Variants in PRR16 observed in about 807,000 individuals in gnomAD.
PRR16 encodes the protein protein Largen.
Under a neutral mutation model 18.2 loss-of-function variants are expected in PRR16, and 6 were observed. The ratio of observed to expected loss-of-function variants is 0.33; its 90% confidence interval spans 0.18 to 0.65. The LOEUF is 0.65. Among genes scored for constraint, PRR16 ranks in the 30% least tolerant of loss-of-function variants. The pLI, the probability that PRR16 is intolerant of heterozygous loss-of-function variation, is 0.74. For missense variants in PRR16, 412 were observed against 376.6 expected (o/e 1.09, Z -0.78); for synonymous variants, 151 against 147.8 (o/e 1.02, Z -0.16).
intron 1 of PRR16, among the ~76,000 whole-genome samples, chr5:120,490,620 G>A (rs978537267): frequency 7.2e-5 from 11 of 152,246 alleles, no homozygotes; most frequent in African/African-American, 2.6e-4. Context: ...GCTCGGAGTA[G>A]TTTGATTGTC....
At chr5:120,602,774 A>G (rs553389231) in intron 1 of PRR16, among the ~76,000 whole-genome samples, 1 of 152,048 alleles carries the variant, frequency 6.6e-6, no homozygotes, top group East Asian at 1.9e-4. Context: ...TTAAACATGC[A>G]TGGGTGTCAA....
chr5:120,664,460 T>TG (rs1378143376), intron 1 of PRR16, among the ~76,000 whole-genome samples: 1 of 150,948 alleles, frequency 6.6e-6, no homozygotes, highest in African/African-American at 2.4e-5. Flanking sequence ...GTTTTTGTTT[T>TG]TTTTTTATTA....
intron 1 of PRR16, among the ~76,000 whole-genome samples, chr5:120,642,327 A>G (rs1395355947): frequency 3.3e-5 from 5 of 151,882 alleles, no homozygotes; most frequent in Non-Finnish European, 7.4e-5. Flanking sequence ...CATTCAAAAG[A>G]TATTTTATTC....
intron 1 of PRR16, among the ~76,000 whole-genome samples, chr5:120,650,741 G>T (rs62377790): frequency 0.26 from 39,310 of 151,876 alleles, 6,116 homozygotes; most frequent in Middle Eastern, 0.41. Flanking sequence ...TGGACATTTG[G>T]GTTGGTTCCA....
chr5:120,793,016 G>A, the PRR16 span, among the ~76,000 whole-genome samples: 1 of 149,210 alleles, frequency 6.7e-6, no homozygotes, highest in Non-Finnish European at 1.5e-5. Flanking sequence ...GGTGGCTACG[G>A]TGGTGGGTGC....
chr5:120,744,635 T>C, the PRR16 span, among the ~76,000 whole-genome samples: 1 of 152,248 alleles, frequency 6.6e-6, no homozygotes, highest in African/African-American at 2.4e-5. Flanking sequence ...ATCCATTATT[T>C]TCTTTTAAAA....
At chr5:120,598,996 A>T (rs1467449252) in intron 1 of PRR16, among the ~76,000 whole-genome samples, 2 of 151,870 alleles carry the variant, frequency 1.3e-5, no homozygotes, top group Non-Finnish European at 2.9e-5. Context: ...AGCTTTTTGG[A>T]AAGTCTGAGA....
the PRR16 span, among the ~76,000 whole-genome samples, chr5:120,709,728 C>CAT: frequency 6.6e-6 from 1 of 152,124 alleles, no homozygotes; most frequent in East Asian, 1.9e-4. Flanking sequence ...TGAGTGAGAA[C>CAT]ATAGGATAGT....
chr5:120,681,110 T>A (rs1433666334), intron 1 of PRR16, among the ~76,000 whole-genome samples: 1 of 152,156 alleles, frequency 6.6e-6, no homozygotes, highest in East Asian at 1.9e-4. Flanking sequence ...CTTTTATACA[T>A]TATTTTAATC....
At chr5:120,642,732 C>T (rs192962693) in intron 1 of PRR16, among the ~76,000 whole-genome samples, 1 of 152,222 alleles carries the variant, frequency 6.6e-6, no homozygotes, top group East Asian at 1.9e-4. Flanking sequence ...ACTGGCTACT[C>T]ACCTTCTGAA....
chr5:120,662,266 T>C (rs1756198152), intron 1 of PRR16, among the ~76,000 whole-genome samples: 1 of 152,148 alleles, frequency 6.6e-6, no homozygotes. Context: ...TATTTTACTC[T>C]TACCATAGGC....
intron 1 of PRR16, among the ~76,000 whole-genome samples, chr5:120,513,873 C>T (rs953650818): frequency 1.3e-5 from 2 of 151,924 alleles, no homozygotes; most frequent in Admixed American, 6.6e-5. Flanking sequence ...ATTCTCCTGC[C>T]TCAGCCTCCC....
intron 1 of PRR16, among the ~76,000 whole-genome samples, chr5:120,642,551 A>G (rs1755458294): frequency 6.6e-6 from 1 of 152,024 alleles, no homozygotes; most frequent in Admixed American, 6.6e-5. Context: ...TTGGTATGTA[A>G]ACTCTTACTT....
At chr5:120,793,991 T>A in the PRR16 span, among the ~76,000 whole-genome samples, 1 of 152,148 alleles carries the variant, frequency 6.6e-6, no homozygotes, top group Non-Finnish European at 1.5e-5. Flanking sequence ...CATTGTATAA[T>A]ATACGTGGTT....
intron 1 of PRR16, chr5:120,481,074 C>T (rs1749595080): frequency 1.7e-6 from 2 of 1,149,206 alleles, no homozygotes; most frequent in Non-Finnish European, 1.1e-6. Context: ...TACTTTGGCC[C>T]ATCTAATTCC....
the PRR16 span, among the ~76,000 whole-genome samples, chr5:120,758,826 C>A: frequency 1.3e-5 from 2 of 152,102 alleles, no homozygotes; most frequent in African/African-American, 4.8e-5. Context: ...CAAACTAATA[C>A]ATTAGTCTAA....
the PRR16 span, among the ~76,000 whole-genome samples, chr5:120,774,242 A>G: frequency 6.6e-6 from 1 of 152,138 alleles, no homozygotes; most frequent in African/African-American, 2.4e-5. Flanking sequence ...TGGAGAAGGG[A>G]TAAGTTTCAC....
intron 1 of PRR16, among the ~76,000 whole-genome samples, chr5:120,565,832 T>C (rs1218772191): frequency 1.3e-5 from 2 of 152,218 alleles, no homozygotes; most frequent in African/African-American, 2.4e-5. Flanking sequence ...TTACTATAAT[T>C]GCAATTAACT....
chr5:120,573,727 G>T (rs1356194344), intron 1 of PRR16, among the ~76,000 whole-genome samples: 1 of 152,098 alleles, frequency 6.6e-6, no homozygotes, highest in Non-Finnish European at 1.5e-5. Flanking sequence ...GCTAAAGTTA[G>T]TACTCAAAAT....
Sources: allele counts gnomAD v4.1 joint callset (sites outside exome capture counted in the v4.1 genomes callset), GRCh38; gene constraint gnomAD v4.1.1; transcripts MANE v1.5; gene names NCBI Gene and HGNC (gene_info 2026-07-23, HGNC 2026-07-21).